The following RFPL1 variants were observed in gnomAD, a reference collection of about 807,000 sequenced individuals.
RFPL1 encodes the protein ret finger protein like 1.
RFPL1 carries 6 observed loss-of-function variants against 9.6 expected under a neutral mutation model. That is an observed-to-expected ratio of 0.62 (90% CI 0.34 to 1.23). The LOEUF (loss-of-function observed/expected upper bound fraction) is 1.23. Ranked by LOEUF, RFPL1 falls within the 50% of genes most tolerant of loss-of-function variation. The pLI, the probability that RFPL1 is intolerant of heterozygous loss-of-function variation, is 0.03. For synonymous variants in RFPL1, 145 were observed against 149.4 expected (o/e 0.97, Z 0.22); for missense variants, 352 against 398.4 (o/e 0.88, Z 0.99).
At chr22:29,438,585 C>T (rs1199336216) in exon 1 of RFPL1, 41 of 1,415,744 alleles carry the variant, frequency 2.9e-5, no homozygotes, top group South Asian at 1.4e-4. Context: ...TGGGTGCTGC[C>T]GTGTCACTGG....
chr22:29,406,840 A>G, the RFPL1 span, among the ~76,000 whole-genome samples: 1 of 152,234 alleles, frequency 6.6e-6, no homozygotes, highest in Non-Finnish European at 1.5e-5. Context: ...TAAAAATAAT[A>G]TGGAGACGGC....
chr22:29,409,007 GT>G, the RFPL1 span, among the ~76,000 whole-genome samples: 883 of 148,228 alleles, frequency 6.0e-3, 9 homozygotes, highest in Non-Finnish European at 7.9e-3. Flanking sequence ...TCCTCATGGT[GT>G]TTTTTTTTTC....
intron 1 of RFPL1, chr22:29,439,406 G>A: frequency 3.5e-6 from 2 of 572,696 alleles, no homozygotes; most frequent in Non-Finnish European, 6.1e-6. Context: ...GGCCGAGGCG[G>A]GTGGATCACG....
chr22:29,418,496 CTTTTTTT>C, the RFPL1 span, among the ~76,000 whole-genome samples: 1 of 124,474 alleles, frequency 8.0e-6, no homozygotes, highest in African/African-American at 3.0e-5. Context: ...TCTTCGTCTT[CTTTTTTT>C]TTTTTTTTTT....
chr22:29,415,676 C>T, the RFPL1 span, among the ~76,000 whole-genome samples: 1 of 152,266 alleles, frequency 6.6e-6, no homozygotes, highest in Admixed American at 6.5e-5. Flanking sequence ...GCCGGGAAAT[C>T]GGCAGACTTG....
the RFPL1 span, among the ~76,000 whole-genome samples, chr22:29,403,178 T>C: frequency 6.6e-6 from 1 of 152,188 alleles, no homozygotes; most frequent in Non-Finnish European, 1.5e-5. Flanking sequence ...CCATCTTATT[T>C]GTTTTTAAAA....
At chr22:29,424,527 T>A in the RFPL1 span, among the ~76,000 whole-genome samples, 1 of 151,990 alleles carries the variant, frequency 6.6e-6, no homozygotes, top group African/African-American at 2.4e-5. Flanking sequence ...TCAAATGGCT[T>A]GTAAGTGGCT....
At chr22:29,408,692 G>A in the RFPL1 span, among the ~76,000 whole-genome samples, 1 of 152,156 alleles carries the variant, frequency 6.6e-6, no homozygotes, top group Non-Finnish European at 1.5e-5. Flanking sequence ...GGACTCTAGC[G>A]ACCGGTCACT....
the RFPL1 span, among the ~76,000 whole-genome samples, chr22:29,396,004 GAAGAGAAGAGAAAGAA>G: frequency 1.2e-4 from 18 of 151,600 alleles, no homozygotes; most frequent in Non-Finnish European, 1.9e-4. Context: ...AGAGAAAAGA[GAAGAGAAGAGAAAGAA>G]AAGAGAAGAG....
At chr22:29,395,147 A>G in the RFPL1 span, among the ~76,000 whole-genome samples, 2 of 152,038 alleles carry the variant, frequency 1.3e-5, no homozygotes, top group Non-Finnish European at 2.9e-5. Context: ...CGCCCACTAG[A>G]GTGCGCACAG....
upstream of RFPL1, chr22:29,435,134 A>G (rs566564710): frequency 2.3e-4 from 35 of 152,376 alleles, no homozygotes; most frequent in Non-Finnish European, 4.0e-4. Context: ...ATGAATGTCA[A>G]TTAAGTAGAT....
At chr22:29,441,813 C>T (rs748680449) in exon 2 of RFPL1, 1 of 1,613,978 alleles carries the variant, frequency 6.2e-7, no homozygotes, top group South Asian at 1.1e-5. Context: ...AGCGTGGATT[C>T]TGGACTGTGA....
At chr22:29,393,473 C>T in the RFPL1 span, among the ~76,000 whole-genome samples, 1 of 152,198 alleles carries the variant, frequency 6.6e-6, no homozygotes, top group African/African-American at 2.4e-5. Flanking sequence ...AAGGGAGCAT[C>T]TAAGGGAACT....
chr22:29,419,735 G>A, the RFPL1 span, among the ~76,000 whole-genome samples: 2 of 150,120 alleles, frequency 1.3e-5, no homozygotes, highest in Admixed American at 6.6e-5. Context: ...GCCAGAGGTC[G>A]AGGCTGCCAT....
At chr22:29,434,617 G>C (rs927433310), upstream of RFPL1, 2 of 153,118 alleles carry the variant, frequency 1.3e-5, no homozygotes, top group African/African-American at 4.8e-5. Flanking sequence ...GGTAGACATG[G>C]GGACAGGCAA....
chr22:29,413,354 G>A, the RFPL1 span, among the ~76,000 whole-genome samples: 3 of 152,020 alleles, frequency 2.0e-5, no homozygotes, highest in African/African-American at 4.8e-5. Context: ...AGAAATTCTC[G>A]GGGTGGTACA....
chr22:29,421,251 C>T, the RFPL1 span, among the ~76,000 whole-genome samples: 1 of 152,118 alleles, frequency 6.6e-6, no homozygotes, highest in African/African-American at 2.4e-5. Flanking sequence ...CCACACATCT[C>T]TCTTCCCAAA....
At chr22:29,416,235 T>C in the RFPL1 span, among the ~76,000 whole-genome samples, 1 of 152,226 alleles carries the variant, frequency 6.6e-6, no homozygotes, top group African/African-American at 2.4e-5. Context: ...TGTCATTGCA[T>C]GCATGGGGCT....
At chr22:29,425,611 GA>G in the RFPL1 span, among the ~76,000 whole-genome samples, 1 of 151,920 alleles carries the variant, frequency 6.6e-6, no homozygotes, top group East Asian at 1.9e-4. Context: ...TCAAACTAGT[GA>G]AAAAAAATGC....
Sources: gnomAD v4.1 joint callset for allele counts (sites outside exome capture counted in the v4.1 genomes callset) on GRCh38, gnomAD v4.1.1 for gene constraint, MANE v1.5 for transcripts, NCBI Gene and HGNC (gene_info 2026-07-23, HGNC 2026-07-21) for gene names.